Variants in DIPK1B observed in about 807,000 individuals in gnomAD.
DIPK1B encodes divergent protein kinase domain 1B.
In DIPK1B, 17 loss-of-function variants were observed where a neutral mutation model predicts 20.7. The observed-to-expected ratio is 0.82, with a 90% CI of 0.56 to 1.23. The LOEUF (loss-of-function observed/expected upper bound fraction) is 1.23. Ranked by LOEUF, DIPK1B falls within the 50% of genes most tolerant of loss-of-function variation. The pLI, the probability that DIPK1B is intolerant of heterozygous loss-of-function variation, is 0.00. For missense variants in DIPK1B, 648 were observed against 601.8 expected (o/e 1.08, Z -0.80); for synonymous variants, 343 against 276.5 (o/e 1.24, Z -2.39).
chr9:136,722,269 G>A lies in DIPK1B; in HGVS notation c.451G>A (p.Glu151Lys), dbSNP rs745583318. ...DKPTRGTSIK[E>K]FREMTLSFLK... ...GCCCACCCGGGGCACCTCCATCAAG[G>A]AATTCCGGGAGATGACCCTCAGCTT... Residue 151 changes from glutamate (E) to lysine (K), a missense_variant, in exon 4 of 5, where the codon GAA becomes AAA. Coordinates refer to ENST00000371692, the MANE Select transcript of DIPK1B (RefSeq NM_152421.4). The A allele has an allele frequency of 6.2e-7, 1 of 1,613,728 alleles. No homozygotes were observed. Among genetic ancestry groups the A allele is most frequent in the Admixed American group, 1.7e-5 (1 of 59,970 alleles).
At chr9:136,722,798 G>C (rs1846629709) in intron 4 of DIPK1B, 164 bp from the exon 5 acceptor site, 1 of 695,094 alleles carries the variant, frequency 1.4e-6, no homozygotes, top group Admixed American at 2.9e-5. Flanking sequence ...ACACATTGCT[G>C]GCTGCGTCCT....
chr9:136,721,850 C>A, intron 2 of DIPK1B, 71 bp from the exon 3 acceptor site: 2 of 1,417,480 alleles, frequency 1.4e-6, no homozygotes, highest in South Asian at 1.2e-5. Context: ...CAGCTTCGGG[C>A]CTGTGGGCAG....
chr9:136,720,632 G>A (rs908685831), intron 2 of DIPK1B, among the ~76,000 whole-genome samples: 1 of 152,324 alleles, frequency 6.6e-6, no homozygotes, highest in East Asian at 1.9e-4. Flanking sequence ...CTCCCTGGGG[G>A]TCTGGCTAAG....
chr9:136,719,107 C>G (rs557312381), intron 2 of DIPK1B, among the ~76,000 whole-genome samples: 1 of 120,792 alleles, frequency 8.3e-6, no homozygotes, highest in Non-Finnish European at 1.6e-5. Flanking sequence ...CTAGAAGGAC[C>G]AAGGAGGTGG....
At position 136,712,693 on chromosome 9, in the gene DIPK1B, C is replaced by G; in HGVS notation, c.28C>G (p.Leu10Val). Residue 10 changes from leucine to valine, a missense_variant, in exon 1 of 5, where the codon CTG becomes GTG. Transcript: ENST00000371692. This position sits in a 1 kb window ranked among gnomAD's most constrained non-coding sequence, Gnocchi z 5.6. MRRLRRLAHLVLFCPFSKRL... is the reference protein window; with the variant it reads MRRLRRLAHVVLFCPFSKRL... ...GCGGCGGCTGCGGCGCCTGGCGCAC[C>G]TGGTGCTCTTCTGCCCCTTCTCCAA... is the stretch of plus-strand genomic sequence containing the variant. 1 of 1,345,954 alleles carries G rather than the reference C, an allele frequency of 7.4e-7. No homozygotes were observed. Among genetic ancestry groups the G allele is most frequent in the South Asian group, 1.8e-5 (1 of 55,986 alleles). 83.4% of individuals were successfully genotyped at this position (1,345,954 alleles called of 1,614,324 possible).
intron 1 of DIPK1B, among the ~76,000 whole-genome samples, chr9:136,714,083 G>C (rs1003474991): frequency 6.6e-6 from 1 of 152,242 alleles, no homozygotes; most frequent in Non-Finnish European, 1.5e-5. Flanking sequence ...CCGGGAGCCA[G>C]GGTGGGCCAG....
In DIPK1B at chr9:136,722,989, C is replaced by G; in HGVS notation, c.511C>G (p.Pro171Ala). 1 of 1,608,424 alleles carries G rather than the reference C, an allele frequency of 6.2e-7. No homozygotes were observed. The highest frequency in any genetic ancestry group is 8.5e-7 in the Non-Finnish European group (1 of 1,176,086). The change falls in exon 5 of 5, where the codon CCG (proline) becomes GCG (alanine). Residue 171 changes from proline (P) to alanine (A), a missense_variant. Pro to Ala is a conservative substitution (Grantham distance 27). Coordinates refer to ENST00000371692, the MANE Select transcript of DIPK1B (RefSeq NM_152421.4). Reference protein sequence around the residue: ...KANLGDLPSLPALVGQVLLMA... With the variant: ...KANLGDLPSLAALVGQVLLMA... Reference sequence around the variant, plus strand: ...GAACCTGGGAGACCTGCCTTCCCTGCCGGCGCTGGTTGGCCAGGTCCTGCT... The same window carrying G: ...GAACCTGGGAGACCTGCCTTCCCTGGCGGCGCTGGTTGGCCAGGTCCTGCT...
intron 2 of DIPK1B, among the ~76,000 whole-genome samples, chr9:136,718,282 T>C (rs1045992955): frequency 6.7e-6 from 1 of 150,238 alleles, no homozygotes; most frequent in African/African-American, 2.5e-5. Flanking sequence ...TGGTCCGGGA[T>C]AGAGACCCCC....
chr9:136,716,159 C>T (rs1846493410), intron 1 of DIPK1B, among the ~76,000 whole-genome samples: 1 of 152,044 alleles, frequency 6.6e-6, no homozygotes, highest in African/African-American at 2.4e-5. Context: ...ACAGTCACTC[C>T]GCAGTGTGGA....
At position 136,722,275 on chromosome 9, in the gene DIPK1B, C is replaced by T. The variant is rs769510854; in HGVS notation, c.457C>T (p.Arg153Trp). Reference sequence around the variant, plus strand: ...CCGGGGCACCTCCATCAAGGAATTCCGGGAGATGACCCTCAGCTTCCTCAA... The same window carrying T: ...CCGGGGCACCTCCATCAAGGAATTCTGGGAGATGACCCTCAGCTTCCTCAA... ...PTRGTSIKEF[R>W]EMTLSFLKAN... Residue 153 changes from arginine to tryptophan, a missense_variant, in exon 4 of 5, where the codon CGG becomes TGG. Physicochemically the swap from Arg to Trp is moderately radical, Grantham distance 101. Transcript: ENST00000371692. 1.3e-4 allele frequency: 208 copies of T among 1,613,520 alleles called. 1 individual carries two copies. The East Asian group carries it at 4.2e-3, about 32-fold the overall frequency.
At chr9:136,721,629 T>C in intron 2 of DIPK1B, 1 of 396,092 alleles carries the variant, frequency 2.5e-6, no homozygotes, top group Non-Finnish European at 4.7e-6. Flanking sequence ...CTGGGTGTGG[T>C]GTGTGTCTCA....
intron 2 of DIPK1B, chr9:136,721,698 G>T: frequency 1.8e-6 from 1 of 553,092 alleles, no homozygotes; most frequent in Non-Finnish European, 3.3e-6. Flanking sequence ...TGGTGGGGAC[G>T]GGACCGGACC....
chr9:136,715,546 A>AG (rs1564306221), intron 1 of DIPK1B, among the ~76,000 whole-genome samples: 2 of 147,042 alleles, frequency 1.4e-5, no homozygotes. Context: ...ACGGAGCCTC[A>AG]CTCTGTCGCC....
intron 1 of DIPK1B, among the ~76,000 whole-genome samples, chr9:136,716,473 G>T (rs1445780226): frequency 6.6e-6 from 1 of 151,838 alleles, no homozygotes; most frequent in Admixed American, 6.6e-5. Flanking sequence ...TTGCCATGTT[G>T]CCCAGGCTGG....
rs574559874 is a variant in DIPK1B, at chr9:136,724,412, C to T, written c.*638C>T. 6.6e-6 allele frequency among the ~76,000 whole-genome samples: 1 copy of T among 152,320 alleles called. No homozygotes were observed. The highest frequency in any genetic ancestry group is 2.1e-4 in the South Asian group (1 of 4,828). On this transcript the variant is annotated 3_prime_UTR_variant, in exon 5 of 5. Coordinates refer to ENST00000371692, the MANE Select transcript of DIPK1B (RefSeq NM_152421.4). ...CAGCCATGAGATGTACAACTCATTC[C>T]CTAGGAAACAGCCCAGGAATGGCCA...
At position 136,717,585 on chromosome 9, in the gene DIPK1B, C is replaced by T. The variant is rs375349003; in HGVS notation, c.72C>T (p.Leu24=). 9.4e-6 allele frequency: 15 copies of T among 1,599,694 alleles called. No homozygotes were observed. The highest frequency in any genetic ancestry group is 1.3e-5 in the Non-Finnish European group (15 of 1,179,660). ...CPFSKRLQGR[L]PGLRVRCIFL... ...AGCCCCTTCCCCCACAGGGCCGGCT[C>T]CCAGGCCTCAGGGTCCGCTGCATCT... Residue 24 remains leucine (L), a synonymous_variant, in exon 2 of 5, where the codon CTC becomes CTT. Coordinates refer to ENST00000371692, the MANE Select transcript of DIPK1B (RefSeq NM_152421.4).
chr9:136,723,907 C>T lies in DIPK1B; in HGVS notation c.*133C>T. The T allele has an allele frequency of 1.0e-6, 1 of 953,178 alleles. No individual in the cohort carries two copies. The highest frequency in any genetic ancestry group is 1.5e-6 in the Non-Finnish European group (1 of 653,968). 59.0% of individuals were successfully genotyped at this position (953,178 alleles called of 1,614,324 possible). A position where few individuals can be genotyped will look rare whatever the true frequency, so the allele number is the denominator to read the frequency against. ...AAATCACTCCCCTACCGTCAGGGCT[C>T]TGGATTCCAGCACCACAGACATGAG... On this transcript the variant is annotated 3_prime_UTR_variant, in exon 5 of 5. Transcript: ENST00000371692.
rs1487121402 is a variant in DIPK1B at position 136,722,148 on chromosome 9, C to A, written c.330C>A (p.Asp110Glu). ...AGGTGTACAGCGGGCTCTGGCGGGACAAGGATGTAACCATCAAGTGTGGCA... is the reference window on the plus strand; with the variant it reads ...AGGTGTACAGCGGGCTCTGGCGGGAAAAGGATGTAACCATCAAGTGTGGCA... ...GQQVYSGLWR[D>E]KDVTIKCGIE... The change falls in exon 4 of 5, where the codon GAC (aspartate) becomes GAA (glutamate). Residue 110 changes from aspartate to glutamate, a missense_variant. Physicochemically the swap from Asp to Glu is conservative, Grantham distance 45. Coordinates refer to ENST00000371692, the MANE Select transcript of DIPK1B (RefSeq NM_152421.4). The A allele has an allele frequency of 1.2e-6, 2 of 1,613,988 alleles. No individual in the cohort carries two copies. Among genetic ancestry groups the A allele is most frequent in the East Asian group, 2.2e-5 (1 of 44,882 alleles).
intron 3 of DIPK1B, 40 bp from the exon 4 acceptor site, chr9:136,722,084 AG>A (rs751885158): frequency 1.1e-5 from 18 of 1,612,932 alleles, no homozygotes; most frequent in South Asian, 4.4e-5. Context: ...GTGCAGTGGG[AG>A]GGGGATGTCT....
Sources: gnomAD v4.1 joint callset for allele counts (sites outside exome capture counted in the v4.1 genomes callset) on GRCh38, gnomAD v4.1.1 for gene constraint, Gnocchi (gnomAD v3.1) non-coding constraint, MANE v1.5 for transcripts, NCBI Gene and HGNC (gene_info 2026-07-23, HGNC 2026-07-21) for gene names.